IREB2: variants seen among roughly 807,000 people sequenced by gnomAD.
IREB2 encodes the protein iron responsive element binding protein 2, also known as iron-responsive element-binding protein 2.
A neutral mutation model predicts 118.8 loss-of-function variants in IREB2; 39 were observed. That is an observed-to-expected ratio of 0.33 (90% CI 0.25 to 0.43). IREB2 has a LOEUF of 0.43. Among genes scored for constraint, IREB2 ranks in the 20% least tolerant of loss-of-function variants. IREB2 has a pLI of 1.00. For missense variants in IREB2, 900 were observed against 1,147.3 expected, an observed-to-expected ratio of 0.78 and a Z score of 3.11; for synonymous variants, 372 against 392.2, an observed-to-expected ratio of 0.95 and a Z score of 0.61.
intron 3 of IREB2, 125 bp downstream of exon 3, chr15:78,463,212 G>T: frequency 1.3e-6 from 1 of 773,638 alleles, no homozygotes. Flanking sequence ...GCCAAGGCAG[G>T]AAGATCACTT....
chr15:78,501,401 A>G lies in IREB2; in HGVS notation c.*3258A>G, dbSNP rs1330857065. ...AAAGTTCAGTTGATGACAATTGTGT[A>G]TATGTTACTGATGCTGTAAATTATT... On this transcript the variant is annotated 3_prime_UTR_variant, in exon 22 of 22. Transcript: ENST00000258886. 2 of 152,644 alleles carry G rather than the reference A, an allele frequency of 1.3e-5. No homozygotes were observed. The highest frequency in any genetic ancestry group is 2.9e-5 in the Non-Finnish European group (2 of 68,046). 9.5% of individuals were successfully genotyped at this position (152,644 alleles called of 1,614,324 possible).
intron 2 of IREB2, among the ~76,000 whole-genome samples, chr15:78,445,751 T>G (rs1431180559): frequency 1.3e-5 from 2 of 152,140 alleles, no homozygotes; most frequent in African/African-American, 2.4e-5. Flanking sequence ...CGGTTAAGAG[T>G]GTACCTCTAG....
chr15:78,469,844 C>T (rs1453337210), intron 5 of IREB2, among the ~76,000 whole-genome samples: 1 of 152,098 alleles, frequency 6.6e-6, no homozygotes, highest in Non-Finnish European at 1.5e-5. Context: ...CACCAGCTGG[C>T]AGGTAAAAGA....
chr15:78,492,362 C>CAGAAATTACCAAGATTACCA (rs1757808711), intron 18 of IREB2, among the ~76,000 whole-genome samples: 2 of 150,798 alleles, frequency 1.3e-5, no homozygotes, highest in South Asian at 2.1e-4. Flanking sequence ...ACAATTTTAC[C>CAGAAATTACCAAGATTACCA]AAAAATTACC....
intron 7 of IREB2, 87 bp from the exon 8 acceptor site, chr15:78,473,155 C>A: frequency 2.3e-6 from 3 of 1,285,240 alleles, no homozygotes; most frequent in Non-Finnish European, 3.3e-6. Flanking sequence ...GTAAGATAAG[C>A]TCATGAAACA....
At chr15:78,453,828 G>A (rs2051063459) in intron 2 of IREB2, among the ~76,000 whole-genome samples, 1 of 152,162 alleles carries the variant, frequency 6.6e-6, no homozygotes, top group Non-Finnish European at 1.5e-5. Flanking sequence ...TGGAGTGTGG[G>A]AAAATAAGCA....
In IREB2 at chr15:78,492,222, A is replaced by G. The variant is rs999553631; in HGVS notation, c.2324+1461A>G. On this transcript the variant is annotated intron_variant, in intron 18 of 21. Transcript: ENST00000258886. ...CAGTTATTTTTCCCTAAAAAGTTATATATGGTCACTAATCCAGTAGCAATA... is the reference window on the plus strand; with the variant it reads ...CAGTTATTTTTCCCTAAAAAGTTATGTATGGTCACTAATCCAGTAGCAATA... 1.3e-4 allele frequency among the ~76,000 whole-genome samples: 20 copies of G among 152,246 alleles called. No individual in the cohort carries two copies. The East Asian group carries it at 3.7e-3, about 28-fold the overall frequency.
chr15:78,439,905 G>A (rs776043477), intron 2 of IREB2, 24 bp downstream of exon 2: 1 of 1,439,856 alleles, frequency 6.9e-7, no homozygotes, highest in Non-Finnish European at 9.7e-7. Flanking sequence ...ACATTTTCTT[G>A]GGTTTGTTTA....
chr15:78,446,675 T>G (rs899752544), intron 2 of IREB2, among the ~76,000 whole-genome samples: 8 of 152,248 alleles, frequency 5.3e-5, no homozygotes, highest in Admixed American at 1.3e-4. Flanking sequence ...AGTCTCTCTG[T>G]GTCCTGATTA....
At position 78,498,076 on chromosome 15, in the gene IREB2, A is replaced by G. The variant is rs765163143; in HGVS notation, c.2825A>G (p.Asp942Gly). The G allele has an allele frequency of 1.2e-6, 2 of 1,613,554 alleles. No homozygotes were observed. Among genetic ancestry groups the G allele is most frequent in the South Asian group, 1.1e-5 (1 of 91,060 alleles). ...TTCAGCGTGATTGCTTCGTTTGAAG[A>G]TGATGTGGAAATAACATTATACAAA... ...KVFSVIASFEDDVEITLYKHG... is the reference protein window; with the variant it reads ...KVFSVIASFEGDVEITLYKHG... Residue 942 changes from aspartate (D) to glycine (G), a missense_variant, in exon 22 of 22, where the codon GAT becomes GGT. Transcript: ENST00000258886.
At chr15:78,485,955 C>G in intron 13 of IREB2, 115 bp downstream of exon 13, 1 of 853,120 alleles carries the variant, frequency 1.2e-6, no homozygotes, top group South Asian at 1.8e-5. Context: ...TTTAGTTTTA[C>G]TTGCTACCTT....
intron 1 of IREB2, among the ~76,000 whole-genome samples, chr15:78,439,476 G>C (rs913187260): frequency 6.6e-6 from 1 of 152,046 alleles, no homozygotes; most frequent in African/African-American, 2.4e-5. Flanking sequence ...TCACATTTCA[G>C]GAGTGAATTA....
At chr15:78,463,725 C>T (rs1191235429) in intron 3 of IREB2, among the ~76,000 whole-genome samples, 1 of 152,096 alleles carries the variant, frequency 6.6e-6, no homozygotes, top group African/African-American at 2.4e-5. Flanking sequence ...GTCACCTAGG[C>T]GAGAGTGCAG....
chr15:78,463,625 T>C (rs2051234044), intron 3 of IREB2, among the ~76,000 whole-genome samples: 2 of 152,222 alleles, frequency 1.3e-5, no homozygotes, highest in African/African-American at 2.4e-5. Context: ...AAAAACTGCT[T>C]TTGTTTAACT....
chr15:78,497,865 G>A (rs1434872744), intron 21 of IREB2, among the ~76,000 whole-genome samples, 168 bp from the exon 22 acceptor site: 2 of 152,102 alleles, frequency 1.3e-5, no homozygotes, highest in African/African-American at 2.4e-5. Context: ...TGTTTTTCAA[G>A]CAGCAGCAAA....
intron 13 of IREB2, 59 bp downstream of exon 13, chr15:78,485,899 CTTGT>C: frequency 7.2e-7 from 1 of 1,383,472 alleles, no homozygotes; most frequent in Non-Finnish European, 1.0e-6. Context: ...ACTGAAGCTG[CTTGT>C]TTGTGCCTTT....
intron 2 of IREB2, among the ~76,000 whole-genome samples, chr15:78,454,782 C>T (rs889911120): frequency 6.6e-6 from 1 of 152,230 alleles, no homozygotes; most frequent in African/African-American, 2.4e-5. Flanking sequence ...CAGCCTTGAC[C>T]TCCTGGGCTC....
rs560039686 is a variant in IREB2 at position 78,459,006 on chromosome 15, GC to G, written c.107-3913del. On this transcript the variant is annotated intron_variant, in intron 2 of 21. Transcript: ENST00000258886. Reference sequence around the variant, plus strand: ...GTAGAGATGGGGTTTCCACCATGTTGCCCAGGCTAGTCTTGATCTCCTGGAC... The same window carrying G: ...GTAGAGATGGGGTTTCCACCATGTTGCCAGGCTAGTCTTGATCTCCTGGAC... 2.6e-5 allele frequency among the ~76,000 whole-genome samples: 4 copies of G among 152,102 alleles called. 1 individual carries two copies. The South Asian group carries it at 8.3e-4, about 32-fold the overall frequency.
chr15:78,494,228 C>CTGG lies in IREB2; in HGVS notation c.2560_2561insGGT (p.Asn853_Ser854insTrp), dbSNP rs1566999013. On this transcript the variant is annotated inframe_insertion, in exon 20 of 22. Transcript: ENST00000258886. ...CAGGAAAGAAATATGGTTCAGGAAA[C>CTGG]TCCAGAGACTGGGCTGCCAAAGGAC... 6.2e-7 allele frequency: 1 copy of CTGG among 1,613,958 alleles called. No individual in the cohort carries two copies. The highest frequency in any genetic ancestry group is 1.1e-5 in the South Asian group (1 of 91,092).
Sources: allele counts gnomAD v4.1 joint callset (sites outside exome capture counted in the v4.1 genomes callset), GRCh38; gene constraint gnomAD v4.1.1; transcripts MANE v1.5; gene names NCBI Gene and HGNC (gene_info 2026-07-23, HGNC 2026-07-21).